Variants in KLHL9 observed in about 807,000 individuals in gnomAD.
The protein encoded by KLHL9 is kelch like family member 9.
In KLHL9, 27 loss-of-function variants were observed where a neutral mutation model predicts 42.3. That is an observed-to-expected ratio of 0.64 (90% confidence interval 0.47 to 0.88). The LOEUF is 0.88. Among genes scored for constraint, KLHL9 ranks in the 40% least tolerant of loss-of-function variants. The probability of loss-of-function intolerance (pLI) is 0.00; values close to 1 mark genes in which losing one functional copy is unlikely to be tolerated. For synonymous variants in KLHL9, 274 were observed against 254.4 expected, an observed-to-expected ratio of 1.08 and a Z score of -0.73; for missense variants, 629 against 750.3, an observed-to-expected ratio of 0.84 and a Z score of 1.89.
rs1417994823 is a variant in KLHL9 at position 21,332,459 on chromosome 9, TAG to T, written c.*545_*546del. 2 of 157,004 alleles carry T rather than the reference TAG, an allele frequency of 1.3e-5. No homozygotes were observed. Among genetic ancestry groups the T allele is most frequent in the South Asian group, 3.8e-4 (2 of 5,324 alleles). 9.7% of individuals were successfully genotyped at this position (157,004 alleles called of 1,614,324 possible). A position where few individuals can be genotyped will look rare whatever the true frequency, so the allele number is the denominator to read the frequency against. On this transcript the variant is annotated 3_prime_UTR_variant, in exon 1 of 1. Transcript: ENST00000359039. The stretch of plus-strand genomic sequence containing the variant: ...TCCTCTCTCCCTCTCTTGCTCGCTC[TAG>T]AGAGAGATACCAAATACTGGCTTGG...
At position 21,332,828 on chromosome 9, in the gene KLHL9, A is replaced by T; in HGVS notation, c.*178T>A. The T allele has an allele frequency of 1.1e-6, 1 of 910,706 alleles. No homozygotes were observed. Among genetic ancestry groups the T allele is most frequent in the Non-Finnish European group, 1.6e-6 (1 of 634,534 alleles). 56.4% of individuals were successfully genotyped at this position (910,706 alleles called of 1,614,324 possible). On this transcript the variant is annotated 3_prime_UTR_variant, in exon 1 of 1. Coordinates refer to ENST00000359039, the MANE Select transcript of KLHL9 (RefSeq NM_018847.4). ...TTTCATTTGTTAAAACAGCTATGTT[A>T]AATACATTTTCAGAATGCATTTGTT...
chr9:21,334,569 C>A lies in KLHL9; in HGVS notation c.291G>T (p.Gly97=). The change falls in exon 1 of 1, where the codon GGG becomes GGT. Residue 97 remains glycine, a synonymous_variant. Transcript: ENST00000359039. This position sits in a 1 kb window ranked among gnomAD's most constrained non-coding sequence, Gnocchi z 5.1. ...TTTTCTTCAGACCAACCTTGTTCAC[C>A]CCATGAAGCTTAATGCACATCAAAT... ...EQDLMCIKLH[G]VNKVGLKKII... 6.2e-7 allele frequency: 1 copy of A among 1,614,114 alleles called. No homozygotes were observed. Among genetic ancestry groups the A allele is most frequent in the South Asian group, 1.1e-5 (1 of 91,076 alleles).
In KLHL9 at chr9:21,334,143, ATTC is replaced by A; in HGVS notation, c.714_716del (p.Lys238del). On this transcript the variant is annotated inframe_deletion, in exon 1 of 1. Coordinates refer to ENST00000359039, the MANE Select transcript of KLHL9 (RefSeq NM_018847.4). This position sits in a 1 kb window ranked among gnomAD's most constrained non-coding sequence, Gnocchi z 5.1. Reference sequence around the variant, plus strand: ...GTGGTGTCATCAGTGGAAATCGAATATTCTTCATTAACTTTGCAGCATAATCCA... The same window carrying A: ...GTGGTGTCATCAGTGGAAATCGAATATTCATTAACTTTGCAGCATAATCCA... The A allele has an allele frequency of 6.2e-7, 1 of 1,614,234 alleles. No homozygotes were observed. The highest frequency in any genetic ancestry group is 8.5e-7 in the Non-Finnish European group (1 of 1,180,046).
Position 21,332,087 on chromosome 9 carries a change from C to A in KLHL9, c.*919G>T, listed in dbSNP as rs1336441998. 6.6e-6 allele frequency: 1 copy of A among 152,412 alleles called. No homozygotes were observed. The highest frequency in any genetic ancestry group is 1.5e-5 in the Non-Finnish European group (1 of 68,024). 9.4% of individuals were successfully genotyped at this position (152,412 alleles called of 1,614,324 possible). On this transcript the variant is annotated 3_prime_UTR_variant, in exon 1 of 1. Transcript: ENST00000359039. Reference sequence around the variant, plus strand: ...CTGCACAAAAGCAGTTCTCTGAAACCTGAACTTTACCAATCTGTGTAAAAG... The same window carrying A: ...CTGCACAAAAGCAGTTCTCTGAAACATGAACTTTACCAATCTGTGTAAAAG...
rs1329985415 is a variant in KLHL9 at position 21,331,280 on chromosome 9, T to G, written c.*1726A>C. The G allele has an allele frequency of 1.3e-5, 2 of 152,516 alleles. No individual in the cohort carries two copies. The highest frequency in any genetic ancestry group is 4.8e-5 in the African/African-American group (2 of 41,424). The allele number at this position is 152,516 out of a possible 1,614,324, so 9.4% of individuals were successfully genotyped here. On this transcript the variant is annotated 3_prime_UTR_variant, in exon 1 of 1. Transcript: ENST00000359039. ...TGTGCTATTTTTAGTAATAAAAAAC[T>G]GAGTAATTAAAAAAACATAGAAAGT...
In KLHL9 at chr9:21,333,424, A is replaced by G. The variant is rs1820209577; in HGVS notation, c.1436T>C (p.Met479Thr). The G allele has an allele frequency of 6.2e-7, 1 of 1,614,144 alleles. No homozygotes were observed. Among genetic ancestry groups the G allele is most frequent in the Non-Finnish European group, 8.5e-7 (1 of 1,180,050 alleles). The change falls in exon 1 of 1, where the codon ATG (methionine) becomes ACG (threonine). Residue 479 changes from methionine (M) to threonine (T), a missense_variant. Around this residue, in one of 4 missense-constraint regions of KLHL9, gnomAD observed 214 missense variants for 305.8 expected, o/e 0.70. Coordinates refer to ENST00000359039, the MANE Select transcript of KLHL9 (RefSeq NM_018847.4). The surrounding 1 kb of genome is among the most constrained non-coding windows in gnomAD (Gnocchi z 7.5). ...GCAATGCAGACCTCTGACTGTAGTC[A>G]TTGGAGCCTTTTGCATCCATTTATC... ...DTDKWMQKAP[M>T]TTVRGLHCMC...
chr9:21,334,419 T>C lies in KLHL9; in HGVS notation c.441A>G (p.Ser147=). 1 of 1,614,080 alleles carries C rather than the reference T, an allele frequency of 6.2e-7. No homozygotes were observed. The highest frequency in any genetic ancestry group is 1.3e-5 in the African/African-American group (1 of 75,056). Reference sequence around the variant, plus strand: ...CAACACAGTTATCCAAAGAGACTCCTGATATAAGAAATACTTTACAGAAAT... The same window carrying C: ...CAACACAGTTATCCAAAGAGACTCCCGATATAAGAAATACTTTACAGAAAT... ...VLDFCKVFLI[S]GVSLDNCVEV... is the part of the protein sequence containing the mutation. The change falls in exon 1 of 1, where the codon TCA becomes TCG. Residue 147 remains serine, a synonymous_variant. Transcript: ENST00000359039. This position sits in a 1 kb window ranked among gnomAD's most constrained non-coding sequence, Gnocchi z 5.1.
Position 21,335,393 on chromosome 9 carries a change from T to G in KLHL9, c.-534A>C. 3.4e-6 allele frequency: 1 copy of G among 295,526 alleles called. No individual in the cohort carries two copies. Among genetic ancestry groups the G allele is most frequent in the Non-Finnish European group, 6.5e-6 (1 of 154,002 alleles). The allele number at this position is 295,526 out of a possible 1,614,324, so 18.3% of individuals were successfully genotyped here. ...AGCCGCTCCTTCCGGAAAAGCCTAG[T>G]CCCAGGATACCACGGGGTGGGAGCG... On this transcript the variant is annotated 5_prime_UTR_variant, in exon 1 of 1. Coordinates refer to ENST00000359039, the MANE Select transcript of KLHL9 (RefSeq NM_018847.4).
In KLHL9 at chr9:21,334,392, C is replaced by G; in HGVS notation, c.468G>C (p.Glu156Asp). 6.2e-7 allele frequency: 1 copy of G among 1,613,956 alleles called. No individual in the cohort carries two copies. Among genetic ancestry groups the G allele is most frequent in the Non-Finnish European group, 8.5e-7 (1 of 1,179,946 alleles). ...ISGVSLDNCV[E>D]VGRIANTYNL... is the part of the protein sequence containing the mutation. ...TGTAGGTGTTAGCAATTCGTCCAAC[C>G]TCAACACAGTTATCCAAAGAGACTC... Residue 156 changes from glutamate to aspartate, a missense_variant, in exon 1 of 1, where the codon GAG (glutamate) becomes GAC (aspartate). Coordinates refer to ENST00000359039, the MANE Select transcript of KLHL9 (RefSeq NM_018847.4). This position sits in a 1 kb window ranked among gnomAD's most constrained non-coding sequence, Gnocchi z 5.1.
rs1325162837 is a variant in KLHL9, at chr9:21,331,415, C to T, written c.*1591G>A. Reference sequence around the variant, plus strand: ...AAGCCAATTCATTTTGCCTTGGTTCCTGAGTTTTATTATGGGATTGTCAAT... The same window carrying T: ...AAGCCAATTCATTTTGCCTTGGTTCTTGAGTTTTATTATGGGATTGTCAAT... On this transcript the variant is annotated 3_prime_UTR_variant, in exon 1 of 1. Transcript: ENST00000359039. 6.6e-6 allele frequency: 1 copy of T among 152,364 alleles called. No individual in the cohort carries two copies. Among genetic ancestry groups the T allele is most frequent in the Admixed American group, 6.6e-5 (1 of 15,258 alleles). 9.4% of individuals were successfully genotyped at this position (152,364 alleles called of 1,614,324 possible). A position where few individuals can be genotyped will look rare whatever the true frequency, so the allele number is the denominator to read the frequency against.
In KLHL9 at chr9:21,332,998, C is replaced by T. The variant is rs749001440; in HGVS notation, c.*8G>A. 1.2e-6 allele frequency: 2 copies of T among 1,614,048 alleles called. No individual in the cohort carries two copies. The highest frequency in any genetic ancestry group is 1.7e-6 in the Non-Finnish European group (2 of 1,179,940). On this transcript the variant is annotated 3_prime_UTR_variant, in exon 1 of 1. Coordinates refer to ENST00000359039, the MANE Select transcript of KLHL9 (RefSeq NM_018847.4). ...CATGACGTACTGCAAAGGTGTTACACCTTAGACCTAAGAATGATCTGAAGG... is the reference window on the plus strand; with the variant it reads ...CATGACGTACTGCAAAGGTGTTACATCTTAGACCTAAGAATGATCTGAAGG...
At position 21,334,093 on chromosome 9, in the gene KLHL9, G is replaced by A; in HGVS notation, c.767C>T (p.Thr256Ile). 1 of 1,614,126 alleles carries A rather than the reference G, an allele frequency of 6.2e-7. No homozygotes were observed. The highest frequency in any genetic ancestry group is 8.5e-7 in the Non-Finnish European group (1 of 1,179,988). ...ATTGTCTGTTCTCATGAAATCTACT[G>A]TCTGCACGTAATTGATGAGATCCTG... ...TPQDLINYVQ[T>I]VDFMRTDNTC... The change falls in exon 1 of 1, where the codon ACA becomes ATA. Residue 256 changes from threonine (T) to isoleucine (I), a missense_variant. By Grantham distance (89) the Thr-to-Ile change is moderately conservative. Coordinates refer to ENST00000359039, the MANE Select transcript of KLHL9 (RefSeq NM_018847.4). The surrounding 1 kb of genome is among the most constrained non-coding windows in gnomAD (Gnocchi z 5.1).
rs764095574 is a variant in KLHL9, at chr9:21,333,186, A to G, written c.1674T>C (p.Arg558=). Residue 558 remains arginine (R), a synonymous_variant, in exon 1 of 1, where the codon CGT becomes CGC. Transcript: ENST00000359039. The surrounding 1 kb of genome is among the most constrained non-coding windows in gnomAD (Gnocchi z 7.5). ...ATTTCTGGACAATTTCTACCATACA[A>G]CGATTATTCCAAGAATATCCACCAA... ...YVVGGYSWNN[R]CMVEIVQKYD... 1 of 1,614,048 alleles carries G rather than the reference A, an allele frequency of 6.2e-7. No homozygotes were observed. Among genetic ancestry groups the G allele is most frequent in the Admixed American group, 1.7e-5 (1 of 59,996 alleles).
chr9:21,333,943 ACTC>A lies in KLHL9; in HGVS notation c.914_916del (p.Gly305del). On this transcript the variant is annotated inframe_deletion, in exon 1 of 1. Transcript: ENST00000359039. This position sits in a 1 kb window ranked among gnomAD's most constrained non-coding sequence, Gnocchi z 7.5. The stretch of plus-strand genomic sequence containing the variant: ...ACTGACAACCAGCTGCTGCCTCAAA[ACTC>A]CTCCTAATGTAACCAAGTGAGTGGA... The A allele has an allele frequency of 6.2e-7, 1 of 1,613,718 alleles. No individual in the cohort carries two copies. Among genetic ancestry groups the A allele is most frequent in the Non-Finnish European group, 8.5e-7 (1 of 1,179,908 alleles).
Position 21,329,815 on chromosome 9 carries a change from G to A in KLHL9, c.*3191C>T, listed in dbSNP as rs932456370. The A allele has an allele frequency of 6.6e-6, 1 of 150,900 alleles. No individual in the cohort carries two copies. Among genetic ancestry groups the A allele is most frequent in the Non-Finnish European group, 1.5e-5 (1 of 67,764 alleles). The allele number at this position is 150,900 out of a possible 1,614,324, so 9.3% of individuals were successfully genotyped here. Reference sequence around the variant, plus strand: ...TAATAGAAATTATCTTCAACATGTGGAATCACTGATAAATTAGTTTGCTTT... The same window carrying A: ...TAATAGAAATTATCTTCAACATGTGAAATCACTGATAAATTAGTTTGCTTT... On this transcript the variant is annotated 3_prime_UTR_variant, in exon 1 of 1. Transcript: ENST00000359039.
chr9:21,334,950 A>G lies in KLHL9; in HGVS notation c.-91T>C, dbSNP rs942383500. ...AGGTAACGAGGTGTCCAGAAAGAAC[A>G]GAAAGCTCGTTTCCTTATCAAGGGA... is the stretch of plus-strand genomic sequence containing the variant. On this transcript the variant is annotated 5_prime_UTR_variant, in exon 1 of 1. Coordinates refer to ENST00000359039, the MANE Select transcript of KLHL9 (RefSeq NM_018847.4). This position sits in a 1 kb window ranked among gnomAD's most constrained non-coding sequence, Gnocchi z 5.1. 9.0e-6 allele frequency: 14 copies of G among 1,556,494 alleles called. No individual in the cohort carries two copies. The highest frequency in any genetic ancestry group is 1.9e-4 in the Middle Eastern group (1 of 5,156).
chr9:21,333,341 T>C lies in KLHL9; in HGVS notation c.1519A>G (p.Ser507Gly). 6.2e-7 allele frequency: 1 copy of C among 1,614,214 alleles called. No individual in the cohort carries two copies. Among genetic ancestry groups the C allele is most frequent in the Non-Finnish European group, 8.5e-7 (1 of 1,180,030 alleles). Residue 507 changes from serine to glycine, a missense_variant, in exon 1 of 1, where the codon AGT becomes GGT. By Grantham distance (56) the Ser-to-Gly change is moderately conservative (BLOSUM62 0). This residue lies in a region of KLHL9 where 214 missense variants were observed against 305.8 expected (regional missense o/e 0.70). Coordinates refer to ENST00000359039, the MANE Select transcript of KLHL9 (RefSeq NM_018847.4). The surrounding 1 kb of genome is among the most constrained non-coding windows in gnomAD (Gnocchi z 7.5). Reference sequence around the variant, plus strand: ...CAGCTTAGAACATCATCATAATCACTTGTTCCTCTGAAGTGATTGCCACCA... The same window carrying C: ...CAGCTTAGAACATCATCATAATCACCTGTTCCTCTGAAGTGATTGCCACCA... The part of the protein sequence containing the change: ...VIGGNHFRGT[S>G]DYDDVLSCEY...
In KLHL9 at chr9:21,331,473, C is replaced by G. The variant is rs2133027672; in HGVS notation, c.*1533G>C. On this transcript the variant is annotated 3_prime_UTR_variant, in exon 1 of 1. Coordinates refer to ENST00000359039, the MANE Select transcript of KLHL9 (RefSeq NM_018847.4). ...AAGTTGTTCCTGATTTACATGCTGACAATCTTCCAGGTATAGGGGGTTGTG... is the reference window on the plus strand; with the variant it reads ...AAGTTGTTCCTGATTTACATGCTGAGAATCTTCCAGGTATAGGGGGTTGTG... The G allele has an allele frequency of 6.7e-6, 1 of 148,164 alleles. No individual in the cohort carries two copies. Among genetic ancestry groups the G allele is most frequent in the Admixed American group, 6.8e-5 (1 of 14,614 alleles). The allele number at this position is 148,164 out of a possible 1,614,324, so 9.2% of individuals were successfully genotyped here.
Position 21,333,878 on chromosome 9 carries a change from T to C in KLHL9, c.982A>G (p.Arg328Gly). 20 of 1,613,952 alleles carry C rather than the reference T, an allele frequency of 1.2e-5. No homozygotes were observed. Among genetic ancestry groups the C allele is most frequent in the Non-Finnish European group, 1.7e-5 (20 of 1,179,976 alleles). Reference sequence around the variant, plus strand: ...GGAGCATCCATTGGGGCTAAAGATCTCCATTCTTGTGCCCTTTCATCATAC... The same window carrying C: ...GGAGCATCCATTGGGGCTAAAGATCCCCATTCTTGTGCCCTTTCATCATAC... ...RMYDERAQEW[R>G]SLAPMDAPRY... The change falls in exon 1 of 1, where the codon AGA becomes GGA. Residue 328 changes from arginine to glycine, a missense_variant. Around this residue, in one of 4 missense-constraint regions of KLHL9, gnomAD observed 214 missense variants for 305.8 expected, o/e 0.70. Transcript: ENST00000359039. The surrounding 1 kb of genome is among the most constrained non-coding windows in gnomAD (Gnocchi z 7.5).
Sources: gnomAD v4.1 joint callset for allele counts on GRCh38, gnomAD v4.1.1 for gene constraint, gnomAD v4.1.1 regional missense constraint, Gnocchi (gnomAD v3.1) non-coding constraint, MANE v1.5 for transcripts, NCBI Gene and HGNC (gene_info 2026-07-23, HGNC 2026-07-21) for gene names.